The following DHX29 variants were observed in gnomAD, a reference collection of about 807,000 sequenced individuals.
The protein encoded by DHX29 is ATP-dependent RNA helicase DHX29.
DHX29 carries 79 observed loss-of-function variants against 167.9 expected under a neutral mutation model. That is an observed-to-expected ratio of 0.47 (90% confidence interval 0.39 to 0.57). The LOEUF (loss-of-function observed/expected upper bound fraction) is 0.57. DHX29 is among the 20% of genes least tolerant of loss of function. The pLI is 0.00. For missense variants in DHX29, 1,347 were observed against 1,593.4 expected (o/e 0.85, Z 2.63); for synonymous variants, 530 against 546.0 (o/e 0.97, Z 0.41).
At chr5:55,298,521 G>C (rs959237473) in intron 2 of DHX29, 70 bp downstream of exon 2, 3 of 902,144 alleles carry the variant, frequency 3.3e-6, no homozygotes, top group Non-Finnish European at 5.4e-6. Context: ...TTACATTTAA[G>C]GATACATCTT....
Position 55,261,456 on chromosome 5 carries a change from G to A in DHX29, c.3872C>T (p.Thr1291Ile). ...ACCAAAAAGTAAAACTGGAAAAGGG[G>A]TTATTAGGGTAGTTTCTCTCAAATA... ...RVYLRETTLI[T>I]PFPVLLFGGD... Residue 1291 changes from threonine (T) to isoleucine (I), a missense_variant, in exon 25 of 27, where the codon ACC becomes ATC. This residue lies in a region of DHX29 where 882 missense variants were observed against 1,082.4 expected (regional missense o/e 0.81). Transcript: ENST00000251636. 1 of 1,572,196 alleles carries A rather than the reference G, an allele frequency of 6.4e-7. No individual in the cohort carries two copies. The highest frequency in any genetic ancestry group is 8.8e-7 in the Non-Finnish European group (1 of 1,142,618).
intron 12 of DHX29, among the ~76,000 whole-genome samples, chr5:55,280,740 T>C (rs1005656686): frequency 3.3e-5 from 5 of 152,210 alleles, no homozygotes; most frequent in African/African-American, 1.2e-4. Flanking sequence ...TAGGTCTGCT[T>C]GTTCTCTGAC....
Position 55,262,865 on chromosome 5 carries a change from C to A in DHX29, c.3593G>T (p.Ser1198Ile), listed in dbSNP as rs1295200451. The change falls in exon 24 of 27, where the codon AGC (serine) becomes ATC (isoleucine). Residue 1198 changes from serine (S) to isoleucine (I), a missense_variant. Ser to Ile is a moderately radical substitution (Grantham distance 142). Transcript: ENST00000251636. Reference sequence around the variant, plus strand: ...CTGTGAGGCTCTGTTTCCTTCCCAGCTGGTAGAAGTTGTGGAAGATGAAAA... The same window carrying A: ...CTGTGAGGCTCTGTTTCCTTCCCAGATGGTAGAAGTTGTGGAAGATGAAAA... ...AGFSSSTTST[S>I]WEGNRASQTL... 1.2e-6 allele frequency: 2 copies of A among 1,613,894 alleles called. No individual in the cohort carries two copies. Among genetic ancestry groups the A allele is most frequent in the East Asian group, 2.2e-5 (1 of 44,890 alleles).
intron 21 of DHX29, 73 bp from the exon 22 acceptor site, chr5:55,267,895 A>C (rs1325447438): frequency 7.7e-6 from 9 of 1,174,758 alleles, no homozygotes; most frequent in Non-Finnish European, 1.0e-5. Context: ...CTTATAAAAG[A>C]AAGCAAATCA....
rs562645545 is a variant in DHX29 at position 55,286,253 on chromosome 5, C to CA, written c.1067-393dup. Among the ~76,000 whole-genome samples, 797 of 84,760 alleles carry CA rather than the reference C, an allele frequency of 9.4e-3. 6 individuals carry two copies. Among genetic ancestry groups the CA allele is most frequent in the African/African-American group, 0.019 (412 of 22,130 alleles). The allele number at this position is 84,760 out of a possible 152,430, so 55.6% of individuals were successfully genotyped here. On this transcript the variant is annotated intron_variant, in intron 8 of 26. Coordinates refer to ENST00000251636, the MANE Select transcript of DHX29 (RefSeq NM_019030.4). ...TGGGTGACAGAGCGACACTCCGTCT[C>CA]AAAAAAAAAAAAAAAGAACAGGTGA...
intron 26 of DHX29, among the ~76,000 whole-genome samples, chr5:55,257,200 T>C (rs1746095323): frequency 1.3e-5 from 2 of 152,192 alleles, no homozygotes; most frequent in Admixed American, 6.5e-5. Context: ...AACTCTGAAA[T>C]TGTGACTTCC....
intron 1 of DHX29, among the ~76,000 whole-genome samples, chr5:55,303,764 TA>T (rs1748720602): frequency 6.6e-6 from 1 of 152,240 alleles, no homozygotes; most frequent in South Asian, 2.1e-4. Context: ...CATCTCAGTT[TA>T]AATGTTTTCT....
intron 13 of DHX29, 26 bp downstream of exon 13, chr5:55,277,080 A>C: frequency 6.4e-7 from 1 of 1,557,150 alleles, no homozygotes; most frequent in Non-Finnish European, 8.8e-7. Flanking sequence ...GTTTCTGCTT[A>C]TACACACATT....
intron 26 of DHX29, 63 bp from the exon 27 acceptor site, chr5:55,256,603 GC>G: frequency 6.7e-7 from 1 of 1,494,542 alleles, no homozygotes; most frequent in South Asian, 1.3e-5. Flanking sequence ...TCCAAGGTAT[GC>G]ACATGTAAAT....
At chr5:55,258,523 C>G (rs1384194176) in intron 26 of DHX29, among the ~76,000 whole-genome samples, 3 of 152,152 alleles carry the variant, frequency 2.0e-5, no homozygotes, top group Admixed American at 2.0e-4. Context: ...TTTGCAACTG[C>G]CAGGATGATT....
At chr5:55,272,561 T>C (rs1746904715) in intron 17 of DHX29, among the ~76,000 whole-genome samples, 1 of 152,100 alleles carries the variant, frequency 6.6e-6, no homozygotes, top group African/African-American at 2.4e-5. Flanking sequence ...GGCAAAATCC[T>C]GTCTCTACTA....
Position 55,272,098 on chromosome 5 carries a change from TG to T in DHX29, c.2852del (p.Thr951LysfsTer12). ...DVVFVIDTGR[T>X]KENKYHESSQ... is the part of the protein sequence containing the mutation. ...AAATTTAAACTTACTTATTTTCTTT[TG>T]TTCTTCCAGTATCAATTACAAATAC... On this transcript the variant is annotated frameshift_variant, in exon 18 of 27. Coordinates refer to ENST00000251636, the MANE Select transcript of DHX29 (RefSeq NM_019030.4). LOFTEE classifies it high-confidence loss of function. 6.4e-7 allele frequency: 1 copy of T among 1,573,028 alleles called. No homozygotes were observed. The highest frequency in any genetic ancestry group is 8.7e-7 in the Non-Finnish European group (1 of 1,154,260).
Position 55,256,469 on chromosome 5 carries a change from T to C in DHX29, c.*19A>G, listed in dbSNP as rs1746060418. On this transcript the variant is annotated 3_prime_UTR_variant, in exon 27 of 27. Coordinates refer to ENST00000251636, the MANE Select transcript of DHX29 (RefSeq NM_019030.4). The stretch of plus-strand genomic sequence containing the variant: ...ATCTTCATCTTAATTTTTAAAGCAG[T>C]TGACCATGAATTTCAGTTTCAGTTA... 6.3e-7 allele frequency: 1 copy of C among 1,582,984 alleles called. No individual in the cohort carries two copies. Among genetic ancestry groups the C allele is most frequent in the South Asian group, 1.2e-5 (1 of 85,056 alleles).
In DHX29 at chr5:55,277,151, T is replaced by C; in HGVS notation, c.2241A>G (p.Thr747=). Residue 747 remains threonine, a synonymous_variant, in exon 13 of 27, where the codon ACA becomes ACG. Transcript: ENST00000251636. ...CTGAAATTCTGAGAATGGGGCAGTG[T>C]GTGAAATATGTAGAAAATTTTTCGC... ...VDSEKFSTYF[T]HCPILRISGR... is the part of the protein sequence containing the mutation. 14 of 1,613,014 alleles carry C rather than the reference T, an allele frequency of 8.7e-6. No individual in the cohort carries two copies. Among genetic ancestry groups the C allele is most frequent in the Non-Finnish European group, 1.2e-5 (14 of 1,179,384 alleles).
chr5:55,275,036 G>T (rs976308879), intron 14 of DHX29, 26 bp from the exon 15 acceptor site: 2 of 1,601,012 alleles, frequency 1.2e-6, no homozygotes, highest in Non-Finnish European at 1.7e-6. Context: ...CCAGAGGGAG[G>T]TGAATAAAAA....
chr5:55,294,630 G>A (rs552962907), intron 5 of DHX29, among the ~76,000 whole-genome samples: 1 of 152,184 alleles, frequency 6.6e-6, no homozygotes, highest in Admixed American at 6.5e-5. Context: ...AGCCGAGTGA[G>A]TGCAGTGCCA....
chr5:55,276,477 G>C lies in DHX29; in HGVS notation c.2287-71C>G, dbSNP rs111580461. The C allele has an allele frequency of 1.8e-3, 2,208 of 1,197,028 alleles. 26 individuals are homozygous for C. The African/African-American group carries it at 0.032, about 17-fold the overall frequency. 74.2% of individuals were successfully genotyped at this position (1,197,028 alleles called of 1,614,324 possible). On this transcript the variant is annotated intron_variant, in intron 13 of 26. Coordinates refer to ENST00000251636, the MANE Select transcript of DHX29 (RefSeq NM_019030.4). ...AGTAAATATCATTTTAAAGAGAACA[G>C]GGGACACCACCTTTTGAATGTCACC...
At chr5:55,286,021 G>A (rs1747704577) in intron 8 of DHX29, among the ~76,000 whole-genome samples, 160 bp from the exon 9 acceptor site, 1 of 152,130 alleles carries the variant, frequency 6.6e-6, no homozygotes, top group South Asian at 2.1e-4. Context: ...TTGGGAGGCC[G>A]AGGCGGGTAG....
chr5:55,262,229 G>A (rs1029914437), intron 24 of DHX29, among the ~76,000 whole-genome samples: 3 of 152,104 alleles, frequency 2.0e-5, no homozygotes, highest in Admixed American at 6.5e-5. Flanking sequence ...ATACTTGACC[G>A]AAACTGTTGC....
Sources: allele counts gnomAD v4.1 joint callset (sites outside exome capture counted in the v4.1 genomes callset), GRCh38; gene constraint gnomAD v4.1.1; regional missense constraint gnomAD v4.1.1; transcripts MANE v1.5; gene names NCBI Gene and HGNC (gene_info 2026-07-23, HGNC 2026-07-21).